Variants in ZFHX3 observed in about 807,000 individuals in gnomAD.
ZFHX3 encodes zinc finger homeobox protein 3.
Under a neutral mutation model 279.1 loss-of-function variants are expected in ZFHX3, and 42 were observed. The ratio of observed to expected loss-of-function variants is 0.15; its 90% CI spans 0.12 to 0.19. The LOEUF is 0.19. Ranked by LOEUF, ZFHX3 falls within the 10% of genes least tolerant of loss-of-function variation. The pLI is 1.00. For synonymous variants in ZFHX3, 2,293 were observed against 1,957.8 expected, an observed-to-expected ratio of 1.17 and a Z score of -4.52; for missense variants, 4,981 against 4,754.0, an observed-to-expected ratio of 1.05 and a Z score of -1.40.
At chr16:73,335,182 T>C (rs767976934) in intron 3 of ZFHX3, among the ~76,000 whole-genome samples, 66 of 152,162 alleles carry the variant, frequency 4.3e-4, no homozygotes, top group Non-Finnish European at 5.4e-4. Context: ...GTTGAAGTGA[T>C]AGCTATAATA....
intron 3 of ZFHX3, among the ~76,000 whole-genome samples, chr16:73,419,572 C>G (rs1398473896): frequency 6.6e-6 from 1 of 152,016 alleles, no homozygotes; most frequent in Non-Finnish European, 1.5e-5. Flanking sequence ...AAATGTGGTT[C>G]CCTCAGTCTT....
At chr16:73,695,413 T>G (rs1175228294) in intron 1 of ZFHX3, among the ~76,000 whole-genome samples, 1 of 152,024 alleles carries the variant, frequency 6.6e-6, no homozygotes, top group Non-Finnish European at 1.5e-5. Flanking sequence ...TAAAATGTTT[T>G]ATGATAATAA....
intron 1 of ZFHX3, among the ~76,000 whole-genome samples, chr16:73,038,184 T>C (rs1964980234): frequency 6.6e-6 from 1 of 152,074 alleles, no homozygotes; most frequent in African/African-American, 2.4e-5. Flanking sequence ...CATTAGTCTG[T>C]GTGGTGCGAG....
In ZFHX3 at chr16:73,416,746, C is replaced by T. The variant is rs138450153; in HGVS notation, c.-1291+39257G>A. ...AAAATTAGCCGGGTGCGGTGGCGGG[C>T]GCCTGTAGTCCCAGCTACCAGGGAG... is the stretch of plus-strand genomic sequence containing the variant. On this transcript the variant is annotated intron_variant, in intron 3 of 17. Transcript: ENST00000641206. 9.8e-3 allele frequency among the ~76,000 whole-genome samples: 1,452 copies of T among 147,638 alleles called. 36 individuals are homozygous for T. Among genetic ancestry groups the T allele is most frequent in the South Asian group, 0.046 (209 of 4,558 alleles).
intron 4 of ZFHX3, among the ~76,000 whole-genome samples, chr16:73,305,551 C>T (rs2015161944): frequency 2.0e-5 from 3 of 151,904 alleles, no homozygotes; most frequent in Admixed American, 2.0e-4. Flanking sequence ...ACTCACATGT[C>T]TTTGCTGATC....
At chr16:73,841,707 T>G (rs1961313763) in intron 1 of ZFHX3, among the ~76,000 whole-genome samples, 1 of 152,136 alleles carries the variant, frequency 6.6e-6, no homozygotes, top group Non-Finnish European at 1.5e-5. Flanking sequence ...ATCTAAAGAA[T>G]AAAGTTTCAC....
At chr16:72,969,820 T>C (rs9937546) in intron 1 of ZFHX3, among the ~76,000 whole-genome samples, 49,973 of 152,088 alleles carry the variant, frequency 0.33, 8,751 homozygotes, top group African/African-American at 0.41. Flanking sequence ...GAAGTCAATA[T>C]GTGTTAAGCC....
At chr16:72,925,363 C>G (rs758859625) in intron 3 of ZFHX3, among the ~76,000 whole-genome samples, 1 of 152,206 alleles carries the variant, frequency 6.6e-6, no homozygotes, top group Non-Finnish European at 1.5e-5. Context: ...TTTTTAAACA[C>G]AAAGTTCAAC....
chr16:72,846,766 G>A (rs1358552433), intron 4 of ZFHX3, among the ~76,000 whole-genome samples: 2 of 152,220 alleles, frequency 1.3e-5, no homozygotes, highest in African/African-American at 2.4e-5. Context: ...GGATGTGGCT[G>A]CAGATACAGA....
At chr16:73,682,936 A>AAGAG (rs1252595601) in intron 1 of ZFHX3, among the ~76,000 whole-genome samples, 10 of 17,726 alleles carry the variant, frequency 5.6e-4, no homozygotes, top group East Asian at 0.011. Context: ...GAAAGAAAGA[A>AAGAG]AGAAAGAAAG....
At chr16:73,599,995 C>T (rs924949996) in intron 2 of ZFHX3, among the ~76,000 whole-genome samples, 1 of 152,194 alleles carries the variant, frequency 6.6e-6, no homozygotes. Flanking sequence ...TCCCCACCCA[C>T]TTTTGGGGTA....
chr16:73,149,013 A>G (rs749427528), intron 5 of ZFHX3, among the ~76,000 whole-genome samples: 29 of 137,636 alleles, frequency 2.1e-4, no homozygotes, highest in African/African-American at 3.0e-4. Context: ...GAGATTATAT[A>G]TATATTTTAT....
intron 1 of ZFHX3, among the ~76,000 whole-genome samples, chr16:73,757,737 G>T (rs375713160): frequency 3.9e-5 from 6 of 152,170 alleles, no homozygotes; most frequent in Non-Finnish European, 7.3e-5. Context: ...GTTCCCTGCA[G>T]GAAGCAGCAT....
chr16:73,379,358 A>G (rs2016780962), intron 3 of ZFHX3, among the ~76,000 whole-genome samples: 1 of 152,032 alleles, frequency 6.6e-6, no homozygotes, highest in African/African-American at 2.4e-5. Flanking sequence ...CTATCACCCC[A>G]CAAGCCCCAA....
intron 5 of ZFHX3, among the ~76,000 whole-genome samples, chr16:73,149,035 G>T (rs1966883716): frequency 6.8e-6 from 1 of 146,866 alleles, no homozygotes; most frequent in Non-Finnish European, 1.5e-5. Flanking sequence ...TATATATAAA[G>T]TGCTATATAT....
intron 2 of ZFHX3, among the ~76,000 whole-genome samples, chr16:73,505,881 G>A (rs1461200640): frequency 1.3e-5 from 2 of 152,204 alleles, no homozygotes; most frequent in African/African-American, 2.4e-5. Context: ...AATCTTTCCC[G>A]CTCCATGCAC....
intron 4 of ZFHX3, among the ~76,000 whole-genome samples, chr16:73,294,988 C>T (rs1363378572): frequency 1.3e-5 from 2 of 151,732 alleles, no homozygotes; most frequent in South Asian, 2.1e-4. Context: ...CCGAGACGGG[C>T]GGATCACGAG....
chr16:73,867,343 T>C (rs894868666), intron 1 of ZFHX3, among the ~76,000 whole-genome samples: 1 of 152,220 alleles, frequency 6.6e-6, no homozygotes. Context: ...AGCCAGATCC[T>C]GAGCTGGGTT....
At chr16:72,881,922 C>T (rs1013956154) in intron 4 of ZFHX3, among the ~76,000 whole-genome samples, 1 of 152,180 alleles carries the variant, frequency 6.6e-6, no homozygotes, top group Non-Finnish European at 1.5e-5. Context: ...CTTGGATACA[C>T]CTTTCGAAGG....
Sources: allele counts gnomAD v4.1 joint callset (sites outside exome capture counted in the v4.1 genomes callset), GRCh38; gene constraint gnomAD v4.1.1; transcripts MANE v1.5; gene names NCBI Gene and HGNC (gene_info 2026-07-23, HGNC 2026-07-21).